Variants in DMXL2 observed in about 807,000 individuals in gnomAD.
The protein encoded by DMXL2 is dmX-like protein 2.
A neutral mutation model predicts 331.1 loss-of-function variants in DMXL2; 103 were observed. That is an observed-to-expected ratio of 0.31 (90% CI 0.27 to 0.37). The LOEUF is 0.37. Among genes scored for constraint, DMXL2 ranks in the 10% least tolerant of loss-of-function variants. The pLI is 1.00. For missense variants in DMXL2, 3,171 were observed against 3,642.9 expected (o/e 0.87, Z 3.33); for synonymous variants, 1,281 against 1,252.1 (o/e 1.02, Z -0.49).
At chr15:51,543,130 G>C (rs1173203312) in intron 8 of DMXL2, among the ~76,000 whole-genome samples, 5 of 152,052 alleles carry the variant, frequency 3.3e-5, no homozygotes, top group Non-Finnish European at 7.4e-5. Context: ...TTCTTCATTA[G>C]CATGCGTGAT....
intron 19 of DMXL2, among the ~76,000 whole-genome samples, chr15:51,492,762 T>G (rs1161556369): frequency 6.6e-6 from 1 of 152,224 alleles, no homozygotes; most frequent in Non-Finnish European, 1.5e-5. Flanking sequence ...CAAGTAGCCA[T>G]CTGTATGAAT....
chr15:51,588,165 T>G (rs1459146598), intron 1 of DMXL2, among the ~76,000 whole-genome samples: 2 of 151,634 alleles, frequency 1.3e-5, no homozygotes, highest in East Asian at 1.9e-4. Flanking sequence ...TTAGGGGTTT[T>G]TTTTTTTTTT....
chr15:51,534,125 T>C (rs866257382), intron 13 of DMXL2, among the ~76,000 whole-genome samples: 1 of 152,122 alleles, frequency 6.6e-6, no homozygotes, highest in African/African-American at 2.4e-5. Flanking sequence ...AGTCAGCTCA[T>C]GATGAGTCAA....
chr15:51,507,344 G>C, intron 15 of DMXL2, 91 bp from the exon 16 acceptor site: 1 of 1,247,886 alleles, frequency 8.0e-7, no homozygotes, highest in Non-Finnish European at 1.1e-6. Context: ...CTCTTGATAT[G>C]CATGGAAGTT....
chr15:51,591,942 T>C (rs545672138), intron 1 of DMXL2, among the ~76,000 whole-genome samples: 1 of 146,858 alleles, frequency 6.8e-6, no homozygotes, highest in East Asian at 2.0e-4. Context: ...AGACCAAAGG[T>C]AGATAAAACC....
intron 1 of DMXL2, among the ~76,000 whole-genome samples, 159 bp downstream of exon 1, chr15:51,622,300 G>A (rs1287953251): frequency 6.6e-6 from 1 of 152,226 alleles, no homozygotes; most frequent in African/African-American, 2.4e-5. Flanking sequence ...GGTCCCACGG[G>A]TCCCAGGGGG....
chr15:51,565,313 A>G, intron 3 of DMXL2, 147 bp from the exon 4 acceptor site: 2 of 537,848 alleles, frequency 3.7e-6, no homozygotes, highest in Non-Finnish European at 6.4e-6. Flanking sequence ...TTATTTTCAT[A>G]TACTGTTTTT....
At chr15:51,449,259 C>T in intron 43 of DMXL2, 66 bp from the exon 44 acceptor site, 3 of 1,531,780 alleles carry the variant, frequency 2.0e-6, no homozygotes, top group Non-Finnish European at 2.7e-6. Flanking sequence ...CATGGCCCTT[C>T]TGCTCCCTTG....
intron 6 of DMXL2, among the ~76,000 whole-genome samples, chr15:51,562,149 T>C (rs1380862691): frequency 2.0e-5 from 3 of 152,256 alleles, no homozygotes; most frequent in Non-Finnish European, 2.9e-5. Flanking sequence ...AGATAAACAT[T>C]TGAGGTGATG....
intron 2 of DMXL2, among the ~76,000 whole-genome samples, chr15:51,572,037 T>C (rs1166068330): frequency 6.6e-6 from 1 of 151,800 alleles, no homozygotes; most frequent in Non-Finnish European, 1.5e-5. Context: ...CATAGACCAC[T>C]AGCCAGACTA....
intron 6 of DMXL2, among the ~76,000 whole-genome samples, chr15:51,553,099 A>G (rs1033610501): frequency 1.3e-5 from 2 of 152,176 alleles, no homozygotes; most frequent in South Asian, 2.1e-4. Flanking sequence ...CAGACACCCA[A>G]TCACACTACT....
intron 1 of DMXL2, among the ~76,000 whole-genome samples, chr15:51,616,674 A>C (rs1222049777): frequency 6.6e-6 from 1 of 152,216 alleles, no homozygotes; most frequent in Non-Finnish European, 1.5e-5. Context: ...GCAGTGGCTC[A>C]TGCCTATAAT....
chr15:51,547,362 G>A lies in DMXL2; in HGVS notation c.614C>T (p.Ser205Phe). 6.2e-7 allele frequency: 1 copy of A among 1,611,534 alleles called. No individual in the cohort carries two copies. Among genetic ancestry groups the A allele is most frequent in the South Asian group, 1.1e-5 (1 of 90,718 alleles). ...KVWYPMTGWK[S>F]SIIPQDHHEV... ...ATGATGATCCTGAGGTATAATTGAA[G>A]ACTTCCAACCAGTCATAGGATACCA... The change falls in exon 7 of 44, where the codon TCT becomes TTT. Residue 205 changes from serine to phenylalanine, a missense_variant. Ser to Phe is a radical substitution (Grantham distance 155, BLOSUM62 -2). Transcript: ENST00000560891.
chr15:51,610,266 TAAATA>T, intron 1 of DMXL2, among the ~76,000 whole-genome samples: 1 of 152,096 alleles, frequency 6.6e-6, no homozygotes, highest in Non-Finnish European at 1.5e-5. Context: ...TAAGCACAAA[TAAATA>T]AAACAAAATT....
Position 51,456,335 on chromosome 15 carries a change from A to T in DMXL2, c.8372T>A (p.Met2791Lys). The change falls in exon 38 of 44, where the codon ATG becomes AAG. Residue 2791 changes from methionine to lysine, a missense_variant. Met to Lys is a moderately conservative substitution (Grantham distance 95). This residue lies in a region of DMXL2 where 766 missense variants were observed against 940.5 expected (regional missense o/e 0.81). Transcript: ENST00000560891. ...MKRNLHNVKR[M>K]TSHPVHQYYL... The stretch of plus-strand genomic sequence containing the variant: ...GTATTGATGGACTGGGTGTGAAGTC[A>T]TTCTCTTAACATTATGTAGATTCCT... 1 of 1,597,490 alleles carries T rather than the reference A, an allele frequency of 6.3e-7. No homozygotes were observed. Among genetic ancestry groups the T allele is most frequent in the Non-Finnish European group, 8.5e-7 (1 of 1,173,694 alleles).
chr15:51,461,949 G>T (rs771612124), intron 33 of DMXL2, among the ~76,000 whole-genome samples: 1 of 152,120 alleles, frequency 6.6e-6, no homozygotes, highest in Non-Finnish European at 1.5e-5. Context: ...AATGACAGAG[G>T]CAAATAATTT....
At chr15:51,462,234 T>C (rs533828054) in intron 33 of DMXL2, among the ~76,000 whole-genome samples, 13 of 152,340 alleles carry the variant, frequency 8.5e-5, no homozygotes, top group African/African-American at 3.1e-4. Context: ...GAAGCAATTT[T>C]ATACTTTATC....
intron 1 of DMXL2, among the ~76,000 whole-genome samples, chr15:51,585,871 C>T (rs1290261882): frequency 1.3e-5 from 2 of 152,096 alleles, no homozygotes; most frequent in African/African-American, 2.4e-5. Context: ...TGTCTTTCTG[C>T]AGTTTTTCAC....
At chr15:51,515,878 T>G (rs2047009442) in intron 14 of DMXL2, among the ~76,000 whole-genome samples, 1 of 152,162 alleles carries the variant, frequency 6.6e-6, no homozygotes, top group South Asian at 2.1e-4. Context: ...CCCACTCTTC[T>G]ACATTCCTAT....
Sources: gnomAD v4.1 joint callset for allele counts (sites outside exome capture counted in the v4.1 genomes callset) on GRCh38, gnomAD v4.1.1 for gene constraint, gnomAD v4.1.1 regional missense constraint, MANE v1.5 for transcripts, NCBI Gene and HGNC (gene_info 2026-07-23, HGNC 2026-07-21) for gene names.